The following WT1 variants were observed in gnomAD, a reference collection of about 807,000 sequenced individuals.
WT1 encodes Wilms tumor protein.
Under a neutral mutation model 60.8 loss-of-function variants are expected in WT1, and 8 were observed. The ratio of observed to expected loss-of-function variants is 0.13; its 90% confidence interval spans 0.08 to 0.24. The LOEUF (loss-of-function observed/expected upper bound fraction) is 0.24, where lower values mean the gene tolerates loss of function less well. WT1 is among the 10% of genes least tolerant of loss of function. The pLI is 1.00. For synonymous variants in WT1, 312 were observed against 297.1 expected (o/e 1.05, Z -0.52); for missense variants, 568 against 711.8 (o/e 0.80, Z 2.30).
At chr11:32,430,762 C>G (rs1241865460) in intron 1 of WT1, 34 of 1,333,496 alleles carry the variant, frequency 2.5e-5, no homozygotes, top group Non-Finnish European at 3.1e-5. Flanking sequence ...GGGCAAAGAC[C>G]GGCCTCAAAC....
rs574384968 is a variant in WT1 at position 32,415,050 on chromosome 11, C to T, written c.1016+1440G>A. Among the ~76,000 whole-genome samples, 31 of 152,260 alleles carry T rather than the reference C, an allele frequency of 2.0e-4. No individual in the cohort carries two copies. In the South Asian group the frequency reaches 5.0e-3, roughly 24 times the overall value. On this transcript the variant is annotated intron_variant, in intron 5 of 9. Transcript: ENST00000452863. ...TTCTGCCTCCTCAGCAAGTGACTAA[C>T]AGTACATGTCTAAAGACCTTAAAAA... is the stretch of plus-strand genomic sequence containing the variant.
intron 1 of WT1, among the ~76,000 whole-genome samples, chr11:32,429,416 T>G (rs1853186856): frequency 6.7e-6 from 1 of 149,272 alleles, no homozygotes; most frequent in Non-Finnish European, 1.5e-5. Flanking sequence ...TCCATGGTAG[T>G]GCTTCGGTCC....
chr11:32,429,987 A>G (rs11405502), intron 1 of WT1, among the ~76,000 whole-genome samples: 3 of 77,298 alleles, frequency 3.9e-5, no homozygotes, highest in Admixed American at 2.0e-4. Context: ...AGAAAAAAAA[A>G]AAAAGAAAAA....
At chr11:32,432,730 A>G (rs1301513235) in intron 1 of WT1, among the ~76,000 whole-genome samples, 1 of 152,174 alleles carries the variant, frequency 6.6e-6, no homozygotes, top group Non-Finnish European at 1.5e-5. Flanking sequence ...GCTGGCTGCA[A>G]AACCCACAGT....
At chr11:32,416,345 G>A in intron 5 of WT1, 145 bp downstream of exon 5, 1 of 975,548 alleles carries the variant, frequency 1.0e-6, no homozygotes, top group Non-Finnish European at 1.6e-6. Flanking sequence ...TGAATAAGAA[G>A]AGGTGGGGGC....
chr11:32,414,324 A>C (rs1264363992), intron 5 of WT1, among the ~76,000 whole-genome samples: 2 of 152,162 alleles, frequency 1.3e-5, no homozygotes, highest in Non-Finnish European at 2.9e-5. Flanking sequence ...CCAGGCTGGA[A>C]TGCAGTGGCC....
chr11:32,430,404 AAG>A (rs1028840734), intron 1 of WT1: 241 of 1,315,800 alleles, frequency 1.8e-4, no homozygotes, highest in Middle Eastern at 2.4e-4. Flanking sequence ...GGACACTAAA[AAG>A]AGAGAGAGAG....
chr11:32,428,001 C>G lies in WT1; in HGVS notation c.842G>C (p.Ser281Thr). 6.2e-7 allele frequency: 1 copy of G among 1,611,772 alleles called. No homozygotes were observed. The highest frequency in any genetic ancestry group is 8.5e-7 in the Non-Finnish European group (1 of 1,179,078). ...CAGCAAAGCCTGGCTGCCGGTGCAG[C>G]TGTCGGTGGGGGTGTGGCAGCCATA... Residue 281 changes from serine (S) to threonine (T), a missense_variant, in exon 3 of 10, where the codon AGC becomes ACC. Ser to Thr is a moderately conservative substitution (Grantham distance 58, BLOSUM62 1). Around this residue, in one of 3 missense-constraint regions of WT1, gnomAD observed 523 missense variants for 565.1 expected, o/e 0.93. Coordinates refer to ENST00000452863, the MANE Select transcript of WT1 (RefSeq NM_024426.6).
chr11:32,418,019 GAAAGT>G (rs1852733413), intron 3 of WT1, among the ~76,000 whole-genome samples: 1 of 152,040 alleles, frequency 6.6e-6, no homozygotes, highest in Non-Finnish European at 1.5e-5. Context: ...GCCTGGAGCT[GAAAGT>G]AAAGACAGCA....
Position 32,397,948 on chromosome 11 carries a change from A to G in WT1, c.1114-1541T>C, listed in dbSNP as rs540474021. On this transcript the variant is annotated intron_variant, in intron 6 of 9. Coordinates refer to ENST00000452863, the MANE Select transcript of WT1 (RefSeq NM_024426.6). Reference sequence around the variant, plus strand: ...AAGTGAGCCTGACAAACTGGGCTTGATGGGAAAGAAAGCAAAGGAAGCATT... The same window carrying G: ...AAGTGAGCCTGACAAACTGGGCTTGGTGGGAAAGAAAGCAAAGGAAGCATT... Among the ~76,000 whole-genome samples, 7 of 152,322 alleles carry G rather than the reference A, an allele frequency of 4.6e-5. No homozygotes were observed. The East Asian group carries it at 1.4e-3, about 29-fold the overall frequency.
At chr11:32,410,770 T>C (rs1852472534) in intron 5 of WT1, among the ~76,000 whole-genome samples, 1 of 152,112 alleles carries the variant, frequency 6.6e-6, no homozygotes, top group South Asian at 2.1e-4. Context: ...AAATGAAGAG[T>C]TAGAAATAAA....
At chr11:32,403,572 C>CTTTTT (rs398055138) in intron 5 of WT1, among the ~76,000 whole-genome samples, 1 of 128,780 alleles carries the variant, frequency 7.8e-6, no homozygotes, top group Non-Finnish European at 1.6e-5. Context: ...ATGAATATTA[C>CTTTTT]TTTTTTTTTT....
At chr11:32,430,695 C>T (rs1258350049) in intron 1 of WT1, 47 of 1,003,530 alleles carry the variant, frequency 4.7e-5, no homozygotes, top group Admixed American at 5.8e-5. Flanking sequence ...CCCAAGGATG[C>T]CCGTGGCCCG....
Position 32,435,301 on chromosome 11 carries a change from C to T in WT1, c.60G>A (p.Gln20=). The change falls in exon 1 of 10, where the codon CAG becomes CAA. Residue 20 remains glutamine (Q), a synonymous_variant. Coordinates refer to ENST00000452863, the MANE Select transcript of WT1 (RefSeq NM_024426.6). ...ACCCAGGCCCGGAGCGGAGCGTGTG[C>T]TGAGACGCCGGCTCCGGGACACACG... is the stretch of plus-strand genomic sequence containing the variant. 3 of 1,533,158 alleles carry T rather than the reference C, an allele frequency of 2.0e-6. No homozygotes were observed. Among genetic ancestry groups the T allele is most frequent in the Non-Finnish European group, 2.6e-6 (3 of 1,146,370 alleles). 95.0% of individuals were successfully genotyped at this position (1,533,158 alleles called of 1,614,324 possible).
chr11:32,396,134 A>G, intron 7 of WT1, 123 bp downstream of exon 7: 1 of 1,389,744 alleles, frequency 7.2e-7, no homozygotes, highest in Non-Finnish European at 1.0e-6. Context: ...CACCTGGATC[A>G]GACCTTTCAA....
intron 5 of WT1, among the ~76,000 whole-genome samples, chr11:32,404,557 A>G (rs1364821778): frequency 6.6e-6 from 1 of 152,118 alleles, no homozygotes; most frequent in African/African-American, 2.4e-5. Context: ...CCTGCCACAG[A>G]GACCACTCTG....
intron 3 of WT1, 43 bp downstream of exon 3, chr11:32,427,913 C>A: frequency 6.4e-7 from 1 of 1,565,312 alleles, no homozygotes; most frequent in Non-Finnish European, 8.7e-7. Context: ...GCGTCCCCTC[C>A]GGGGTCCCAA....
At chr11:32,407,923 T>C (rs990874515) in intron 5 of WT1, among the ~76,000 whole-genome samples, 8 of 151,914 alleles carry the variant, frequency 5.3e-5, no homozygotes, top group African/African-American at 9.7e-5. Context: ...GAATCAAGCC[T>C]CTAGGAAATA....
intron 1 of WT1, among the ~76,000 whole-genome samples, chr11:32,431,484 T>A (rs1184927943): frequency 6.7e-6 from 1 of 149,096 alleles, no homozygotes; most frequent in Non-Finnish European, 1.5e-5. Flanking sequence ...TCGCCCAGGC[T>A]GCAGTGCAGT....
Sources: gnomAD v4.1 joint callset for allele counts (sites outside exome capture counted in the v4.1 genomes callset) on GRCh38, gnomAD v4.1.1 for gene constraint, gnomAD v4.1.1 regional missense constraint, MANE v1.5 for transcripts, NCBI Gene and HGNC (gene_info 2026-07-23, HGNC 2026-07-21) for gene names.